Variants in HERC2 observed in about 807,000 individuals in gnomAD.
The protein encoded by HERC2 is E3 ubiquitin-protein ligase HERC2.
HERC2 carries 102 observed loss-of-function variants against 537.7 expected under a neutral mutation model. The observed-to-expected ratio is 0.19, with a 90% CI of 0.16 to 0.22. The LOEUF (loss-of-function observed/expected upper bound fraction) is 0.22, where lower values mean the gene tolerates loss of function less well. HERC2 is among the 10% of genes least tolerant of loss of function. HERC2 has a pLI of 1.00. For synonymous variants in HERC2, 2,224 were observed against 2,466.2 expected, an observed-to-expected ratio of 0.90 and a Z score of 2.91; for missense variants, 4,236 against 6,198.2, an observed-to-expected ratio of 0.68 and a Z score of 10.63.
intron 2 of HERC2, among the ~76,000 whole-genome samples, chr15:28,311,233 G>C (rs2076936565): frequency 6.6e-6 from 1 of 151,882 alleles, no homozygotes; most frequent in East Asian, 1.9e-4. Flanking sequence ...GGGAGGCCGA[G>C]GTGGGCAGAC....
chr15:28,289,164 C>A (rs143193197), intron 4 of HERC2, among the ~76,000 whole-genome samples: 1 of 151,522 alleles, frequency 6.6e-6, no homozygotes, highest in Admixed American at 6.6e-5. Context: ...ACAGAGGTTG[C>A]CAGGGTGAAT....
rs564446226 is a variant in HERC2 at position 28,172,718 on chromosome 15, C to T, written c.10057+1677G>A. The stretch of plus-strand genomic sequence containing the variant: ...TCTTGAGGCAAAGGTTTTGTAGACA[C>T]AACATCAAAAGTACACTCTACAAAA... On this transcript the variant is annotated intron_variant, in intron 65 of 92. Coordinates refer to ENST00000261609, the MANE Select transcript of HERC2 (RefSeq NM_004667.6). 2.2e-4 allele frequency among the ~76,000 whole-genome samples: 33 copies of T among 152,198 alleles called. 1 individual carries two copies. The highest frequency in any genetic ancestry group is 6.8e-3 in the Middle Eastern group (2 of 294).
chr15:28,208,443 C>A (rs570863125), intron 44 of HERC2, among the ~76,000 whole-genome samples: 102 of 152,106 alleles, frequency 6.7e-4, no homozygotes, highest in African/African-American at 2.2e-3. Flanking sequence ...CATCACCTGA[C>A]GCAGGAGCAA....
chr15:28,113,506 G>A lies in HERC2; in HGVS notation c.14019+67C>T. 7.3e-7 allele frequency: 1 copy of A among 1,375,652 alleles called. No homozygotes were observed. The highest frequency in any genetic ancestry group is 1.0e-6 in the Non-Finnish European group (1 of 965,304). The allele number at this position is 1,375,652 out of a possible 1,614,324, so 85.2% of individuals were successfully genotyped here. On this transcript the variant is annotated intron_variant, in intron 91 of 92. Coordinates refer to ENST00000261609, the MANE Select transcript of HERC2 (RefSeq NM_004667.6). The surrounding 1 kb of genome is among the most constrained non-coding windows in gnomAD (Gnocchi z 7.0). Reference sequence around the variant, plus strand: ...GGGCAAGGTTCTGACTCTAACTGCTGTCACTGATTTGTGGGTCAGCAGGCA... The same window carrying A: ...GGGCAAGGTTCTGACTCTAACTGCTATCACTGATTTGTGGGTCAGCAGGCA...
chr15:28,225,712 AAAAG>A (rs1567039494), intron 35 of HERC2, among the ~76,000 whole-genome samples: 1 of 151,100 alleles, frequency 6.6e-6, no homozygotes, highest in Non-Finnish European at 1.5e-5. Flanking sequence ...AAAAAAAAAA[AAAAG>A]AAAGAAAAAA....
At chr15:28,144,554 C>G in intron 72 of HERC2, 119 bp downstream of exon 72, 1 of 1,409,488 alleles carries the variant, frequency 7.1e-7, no homozygotes, top group South Asian at 1.3e-5. Context: ...AGCACTCACT[C>G]CAACACAGCA....
At chr15:28,214,558 C>T in intron 40 of HERC2, 97 bp downstream of exon 40, 1 of 1,464,570 alleles carries the variant, frequency 6.8e-7, no homozygotes, top group Non-Finnish European at 9.5e-7. Flanking sequence ...CTGCGCCGCT[C>T]TTCACCAGGG....
At chr15:28,209,564 C>CG (rs1898899111) in intron 44 of HERC2, among the ~76,000 whole-genome samples, 1 of 152,128 alleles carries the variant, frequency 6.6e-6, no homozygotes, top group African/African-American at 2.4e-5. Flanking sequence ...AGGATGGTCT[C>CG]GATCTCCTGA....
chr15:28,167,918 A>G, intron 67 of HERC2, 91 bp from the exon 68 acceptor site: 1 of 1,367,488 alleles, frequency 7.3e-7, no homozygotes, highest in Non-Finnish European at 1.0e-6. Context: ...GCTTTACCTA[A>G]AACTACTTGG....
At chr15:28,171,809 T>C (rs1894722666) in intron 65 of HERC2, among the ~76,000 whole-genome samples, 1 of 152,106 alleles carries the variant, frequency 6.6e-6, no homozygotes, top group Non-Finnish European at 1.5e-5. Flanking sequence ...GTGCGGTGAC[T>C]CACGCCTGTA....
chr15:28,151,215 A>G (rs1473980958), intron 70 of HERC2, among the ~76,000 whole-genome samples: 1 of 152,208 alleles, frequency 6.6e-6, no homozygotes, highest in Non-Finnish European at 1.5e-5. Flanking sequence ...ATATTTTATC[A>G]AACACTCTTG....
chr15:28,280,987 G>C (rs190944264), intron 4 of HERC2, among the ~76,000 whole-genome samples: 6 of 151,956 alleles, frequency 3.9e-5, no homozygotes, highest in Non-Finnish European at 8.8e-5. Context: ...CTCCTAAACA[G>C]AGAAAAACAC....
intron 78 of HERC2, among the ~76,000 whole-genome samples, chr15:28,136,724 C>T (rs926705968): frequency 5.3e-5 from 8 of 152,222 alleles, no homozygotes; most frequent in African/African-American, 1.9e-4. Flanking sequence ...ATAATATGTC[C>T]AGGGCTGCTT....
rs1401856536 is a variant in HERC2, at chr15:28,237,983, T to C, written c.3852+131A>G. ...CATTTATGACAAAACTTCTAAAGGA[T>C]CTTTATATTTATCCCTAATGCCCCA... On this transcript the variant is annotated intron_variant, in intron 25 of 92. Transcript: ENST00000261609. 5 of 775,864 alleles carry C rather than the reference T, an allele frequency of 6.4e-6. No homozygotes were observed. In the African/African-American group the frequency reaches 8.5e-5, roughly 13 times the overall value. 48.1% of individuals were successfully genotyped at this position (775,864 alleles called of 1,614,324 possible). A position where few individuals can be genotyped will look rare whatever the true frequency, so the allele number is the denominator to read the frequency against.
intron 44 of HERC2, among the ~76,000 whole-genome samples, chr15:28,209,940 CTTTTT>C (rs1164101918): frequency 1.3e-5 from 1 of 77,344 alleles, no homozygotes; most frequent in East Asian, 5.0e-4. Flanking sequence ...AATACATTAT[CTTTTT>C]TTTTTTTTTT....
At chr15:28,136,534 G>C (rs1019980224) in intron 78 of HERC2, among the ~76,000 whole-genome samples, 7 of 152,322 alleles carry the variant, frequency 4.6e-5, no homozygotes, top group Admixed American at 4.6e-4. Flanking sequence ...CTGTGAATAA[G>C]AAGAACACCA....
At chr15:28,127,202 C>T (rs1187973922) in intron 83 of HERC2, among the ~76,000 whole-genome samples, 1 of 152,192 alleles carries the variant, frequency 6.6e-6, no homozygotes, top group Admixed American at 6.5e-5. Context: ...AGGCGGGTGT[C>T]GCACACACAA....
intron 23 of HERC2, among the ~76,000 whole-genome samples, chr15:28,242,319 A>G (rs1207054512): frequency 6.6e-6 from 1 of 152,226 alleles, no homozygotes; most frequent in Non-Finnish European, 1.5e-5. Flanking sequence ...ACACCCTTCC[A>G]AGAAAAGAAT....
intron 70 of HERC2, among the ~76,000 whole-genome samples, chr15:28,148,424 G>C (rs1263275625): frequency 6.6e-6 from 1 of 152,122 alleles, no homozygotes; most frequent in Admixed American, 6.5e-5. Context: ...CATGAACTAT[G>C]CAATGCATGG....
Sources: allele counts gnomAD v4.1 joint callset (sites outside exome capture counted in the v4.1 genomes callset), GRCh38; gene constraint gnomAD v4.1.1; non-coding constraint Gnocchi (gnomAD v3.1); transcripts MANE v1.5; gene names NCBI Gene and HGNC (gene_info 2026-07-23, HGNC 2026-07-21).